ROBO2: variants seen among roughly 807,000 people sequenced by gnomAD.
The protein encoded by ROBO2 is roundabout guidance receptor 2, also known as roundabout homolog 2.
A neutral mutation model predicts 160.8 loss-of-function variants in ROBO2; 53 were observed. The observed-to-expected ratio is 0.33, with a 90% CI of 0.26 to 0.41. The LOEUF is 0.41. ROBO2 is among the 10% of genes least tolerant of loss of function. The pLI, the probability that ROBO2 is intolerant of heterozygous loss-of-function variation, is 1.00. For missense variants in ROBO2, 1,577 were observed against 1,722.4 expected (o/e 0.92, Z 1.49); for synonymous variants, 664 against 611.7 (o/e 1.09, Z -1.26).
chr3:76,723,923 T>C (rs1455576437), intron 2 of ROBO2, among the ~76,000 whole-genome samples: 4 of 152,156 alleles, frequency 2.6e-5, no homozygotes, highest in African/African-American at 9.7e-5. Context: ...CAGCAAGTTC[T>C]GCATCACAAG....
In ROBO2 at chr3:77,164,448, C is replaced by A. The variant is rs1468876428; in HGVS notation, c.388+66108C>A. The stretch of plus-strand genomic sequence containing the variant: ...TCCGGGAGGGAGGTGGGGGGGTCAG[C>A]CCCCCGCCTGGCCAGCAGTGCTGTC... On this transcript the variant is annotated intron_variant, in intron 2 of 25. Coordinates refer to ENST00000461745, the Ensembl canonical transcript of ROBO2. 7.3e-4 allele frequency among the ~76,000 whole-genome samples: 94 copies of A among 128,514 alleles called. 2 individuals carry two copies. The highest frequency in any genetic ancestry group is 0.011 in the Middle Eastern group (2 of 190). 84.3% of individuals were successfully genotyped at this position (128,514 alleles called of 152,430 possible).
chr3:76,846,452 A>G (rs1041125449), intron 2 of ROBO2, among the ~76,000 whole-genome samples: 8 of 152,122 alleles, frequency 5.3e-5, no homozygotes, highest in African/African-American at 1.9e-4. Flanking sequence ...ACATCTTAAC[A>G]TATTTAAGAA....
intron 2 of ROBO2, among the ~76,000 whole-genome samples, chr3:76,087,315 A>C (rs2069053412): frequency 6.6e-6 from 1 of 152,096 alleles, no homozygotes; most frequent in African/African-American, 2.4e-5. Context: ...AAAATATTAT[A>C]TCTGACTTCC....
intron 2 of ROBO2, among the ~76,000 whole-genome samples, chr3:76,608,747 T>A (rs555814168): frequency 6.6e-6 from 1 of 152,204 alleles, no homozygotes; most frequent in African/African-American, 2.4e-5. Context: ...TATTTTCCTA[T>A]GTGGTGAGAC....
intron 2 of ROBO2, among the ~76,000 whole-genome samples, chr3:76,825,635 A>C (rs2066515661): frequency 7.0e-6 from 1 of 142,584 alleles, no homozygotes; most frequent in Non-Finnish European, 1.5e-5. Context: ...AAAAAAAATG[A>C]AGATGCATTT....
At chr3:76,377,109 G>T (rs2076386230) in intron 2 of ROBO2, among the ~76,000 whole-genome samples, 1 of 152,126 alleles carries the variant, frequency 6.6e-6, no homozygotes, top group South Asian at 2.1e-4. Flanking sequence ...CATCAAATCT[G>T]TGAAAATATT....
At chr3:76,501,216 A>G (rs2080447965) in intron 2 of ROBO2, among the ~76,000 whole-genome samples, 1 of 152,196 alleles carries the variant, frequency 6.6e-6, no homozygotes. Context: ...AAGTTCTTTC[A>G]AAGTTTGAAA....
chr3:76,916,424 C>T (rs2076307747), intron 2 of ROBO2, among the ~76,000 whole-genome samples: 1 of 152,056 alleles, frequency 6.6e-6, no homozygotes. Context: ...TCACTGCAGC[C>T]TTGTCCTCCC....
At chr3:77,485,006 T>C (rs1004007989) in intron 4 of ROBO2, among the ~76,000 whole-genome samples, 3 of 152,134 alleles carry the variant, frequency 2.0e-5, no homozygotes, top group Non-Finnish European at 4.4e-5. Context: ...AGACTTTAGC[T>C]ATTAAGTCCC....
At chr3:77,097,729 TCCCAGAA>T (rs1177910057) in intron 1 of ROBO2, among the ~76,000 whole-genome samples, 2 of 152,114 alleles carry the variant, frequency 1.3e-5, no homozygotes, top group Admixed American at 6.5e-5. Flanking sequence ...CCCATGCTGA[TCCCAGAA>T]GAACAAGAAA....
At chr3:77,341,645 A>G (rs1005931184) in intron 2 of ROBO2, among the ~76,000 whole-genome samples, 5 of 152,132 alleles carry the variant, frequency 3.3e-5, no homozygotes, top group Non-Finnish European at 7.4e-5. Flanking sequence ...CAAAGAGAAT[A>G]CTAACATTCT....
At chr3:77,471,302 A>G (rs2083324557) in intron 2 of ROBO2, among the ~76,000 whole-genome samples, 1 of 152,210 alleles carries the variant, frequency 6.6e-6, no homozygotes, top group Admixed American at 6.5e-5. Flanking sequence ...TGGGGTGGGA[A>G]AGGATATGGG....
At chr3:77,472,245 G>A (rs1420735475) in intron 2 of ROBO2, among the ~76,000 whole-genome samples, 1 of 152,036 alleles carries the variant, frequency 6.6e-6, no homozygotes, top group Admixed American at 6.6e-5. Flanking sequence ...TCAAGGGGAG[G>A]GGATATACAA....
chr3:76,443,891 G>C (rs1425619026), intron 2 of ROBO2, among the ~76,000 whole-genome samples: 1 of 152,066 alleles, frequency 6.6e-6, no homozygotes. Flanking sequence ...CTACTTTGAT[G>C]GAATTTGTGG....
intron 2 of ROBO2, among the ~76,000 whole-genome samples, chr3:76,637,718 T>G (rs1378397278): frequency 2.6e-5 from 4 of 152,132 alleles, no homozygotes; most frequent in Admixed American, 1.3e-4. Context: ...AGATATTTGG[T>G]TATTATAGAA....
chr3:77,595,897 G>A (rs1286321126), intron 18 of ROBO2, among the ~76,000 whole-genome samples: 1 of 151,978 alleles, frequency 6.6e-6, no homozygotes, highest in Non-Finnish European at 1.5e-5. Flanking sequence ...GATTATAGAT[G>A]TTCTATTTCT....
In ROBO2 at chr3:75,925,307, C is replaced by A. The variant is rs546892838; in HGVS notation, c.-13-12174C>A. Among the ~76,000 whole-genome samples the A allele has an allele frequency of 2.0e-5, 3 of 152,156 alleles. No individual in the cohort carries two copies. In the South Asian group the frequency reaches 6.2e-4, roughly 32 times the overall value. ...ACTCCGGAGGCTGCGGTGAAAGGAT[C>A]TGAGCCCGGGAGGTGGAGGCTGCGG... On this transcript the variant is annotated intron_variant, in intron 1 of 26. Coordinates refer to the ROBO2 transcript ENST00000487694.
intron 2 of ROBO2, among the ~76,000 whole-genome samples, chr3:77,430,394 G>A (rs1037520766): frequency 1.3e-5 from 2 of 152,058 alleles, no homozygotes; most frequent in Non-Finnish European, 2.9e-5. Flanking sequence ...TCAGAGGTGT[G>A]CTGGTGAATG....
chr3:76,692,056 TGAA>T (rs904857200), intron 2 of ROBO2, among the ~76,000 whole-genome samples: 16 of 151,790 alleles, frequency 1.1e-4, no homozygotes, highest in African/African-American at 3.9e-4. Flanking sequence ...TTGGGAGAGA[TGAA>T]GGAGGAGGAA....
Sources: allele counts gnomAD v4.1 joint callset (sites outside exome capture counted in the v4.1 genomes callset), GRCh38; gene constraint gnomAD v4.1.1; transcripts MANE v1.5; gene names NCBI Gene and HGNC (gene_info 2026-07-23, HGNC 2026-07-21).